GBP6: variants seen among roughly 807,000 people sequenced by gnomAD.
GBP6 encodes guanylate binding protein family member 6, also known as guanylate-binding protein 6.
Under a neutral mutation model 61.5 loss-of-function variants are expected in GBP6, and 54 were observed. The observed-to-expected ratio is 0.88, with a 90% confidence interval of 0.71 to 1.10. GBP6 has a LOEUF of 1.10. GBP6 is among the 50% of genes least tolerant of loss of function. The pLI, the probability that GBP6 is intolerant of heterozygous loss-of-function variation, is 0.00. For missense variants in GBP6, 748 were observed against 752.8 expected (o/e 0.99, Z 0.07); for synonymous variants, 255 against 273.7 (o/e 0.93, Z 0.67).
rs187917829 is a variant in GBP6, at chr1:89,379,125, T to G, written c.625+512T>G. ...GCTGTACAAGCATGGCACCAGCATC[T>G]GCTTCTAGTCAGGACCCCAGGAAGC... is the stretch of plus-strand genomic sequence containing the variant. On this transcript the variant is annotated intron_variant, in intron 5 of 10. Transcript: ENST00000370456. Among the ~76,000 whole-genome samples the G allele has an allele frequency of 6.4e-4, 97 of 152,352 alleles. 1 individual carries two copies. The highest frequency in any genetic ancestry group is 2.3e-3 in the African/African-American group (95 of 41,588).
At chr1:89,382,941 C>A in intron 8 of GBP6, 65 bp downstream of exon 8, 1 of 1,043,576 alleles carries the variant, frequency 9.6e-7, no homozygotes, top group Non-Finnish European at 1.5e-6. Context: ...CAGCACCAGC[C>A]GTGGGTAATA....
At position 89,381,813 on chromosome 1, in the gene GBP6, G is replaced by T. The variant is rs4658359; in HGVS notation, c.991G>T (p.Ala331Ser). The T allele has an allele frequency of 0.76, 1,219,868 of 1,613,794 alleles. 462,701 individuals are homozygous for T. Among genetic ancestry groups the T allele is most frequent in the African/African-American group, 0.88 (66,322 of 74,956 alleles). Residue 331 changes from alanine to serine, a missense_variant, in exon 7 of 11, where the codon GCT becomes TCT. Physicochemically the swap from Ala to Ser is moderately conservative, Grantham distance 99. Transcript: ENST00000370456. ...RENSAAVQRA[A>S]DYYSQQMAQR... is the part of the protein sequence containing the mutation. ...GAACTCAGCGGCCGTGCAGAGGGCA[G>T]CTGACTACTACAGCCAGCAGATGGC...
chr1:89,378,296 G>T, intron 4 of GBP6, 84 bp downstream of exon 4: 3 of 1,529,534 alleles, frequency 2.0e-6, no homozygotes, highest in Non-Finnish European at 1.8e-6. Context: ...CCTTCCCTTT[G>T]ATGTAATTAC....
intron 7 of GBP6, 51 bp downstream of exon 7, chr1:89,382,025 A>G: frequency 6.6e-7 from 1 of 1,523,932 alleles, no homozygotes; most frequent in South Asian, 1.3e-5. Context: ...TGAAGAATGA[A>G]GCCTATAGTT....
chr1:89,380,301 G>T (rs1652929961), intron 5 of GBP6, 85 bp from the exon 6 acceptor site: 2 of 1,237,636 alleles, frequency 1.6e-6, no homozygotes, highest in Non-Finnish European at 1.2e-6. Flanking sequence ...ATGGCAAAAA[G>T]ACAATACACC....
chr1:89,374,685 T>C (rs946201673), intron 3 of GBP6, among the ~76,000 whole-genome samples: 1 of 152,246 alleles, frequency 6.6e-6, no homozygotes, highest in Non-Finnish European at 1.5e-5. Context: ...AGCTATTTTG[T>C]ACACCTTTAT....
In GBP6 at chr1:89,387,623, G is replaced by T. The variant is rs1271556270; in HGVS notation, c.*2154G>T. ...GTTTGAATTTTCGACACCAGATTAA[G>T]GTCTCTGAGGTGGTTTAAAGGCTAT... On this transcript the variant is annotated 3_prime_UTR_variant, in exon 11 of 11. Coordinates refer to ENST00000370456, the MANE Select transcript of GBP6 (RefSeq NM_198460.3). Among the ~76,000 whole-genome samples the T allele has an allele frequency of 2.0e-5, 3 of 152,120 alleles. No individual in the cohort carries two copies. The highest frequency in any genetic ancestry group is 4.4e-5 in the Non-Finnish European group (3 of 68,008).
intron 6 of GBP6, among the ~76,000 whole-genome samples, chr1:89,381,229 G>A (rs1236103283): frequency 7.7e-6 from 1 of 129,176 alleles, no homozygotes; most frequent in Non-Finnish European, 1.6e-5. Context: ...AGGTTGTAGT[G>A]AGCCGAGATC....
intron 3 of GBP6, among the ~76,000 whole-genome samples, chr1:89,375,676 T>C (rs1652786696): frequency 1.3e-5 from 2 of 152,198 alleles, no homozygotes; most frequent in Non-Finnish European, 2.9e-5. Flanking sequence ...ATATATGGTT[T>C]GCAAATATTT....
At chr1:89,372,009 A>G (rs935104738) in intron 3 of GBP6, among the ~76,000 whole-genome samples, 2 of 151,796 alleles carry the variant, frequency 1.3e-5, no homozygotes, top group African/African-American at 4.9e-5. Flanking sequence ...AAGCATTCTT[A>G]CACACCAATA....
chr1:89,374,719 G>C (rs1181720099), intron 3 of GBP6, among the ~76,000 whole-genome samples: 1 of 151,906 alleles, frequency 6.6e-6, no homozygotes. Flanking sequence ...CCATTTGTAC[G>C]TCTTCTTTTG....
chr1:89,383,935 C>T (rs919746709), intron 9 of GBP6, among the ~76,000 whole-genome samples, 158 bp from the exon 10 acceptor site: 13 of 152,224 alleles, frequency 8.5e-5, no homozygotes, highest in Admixed American at 3.3e-4. Context: ...CAGAGCCTTT[C>T]CCATCACATT....
chr1:89,372,836 C>T (rs1397193734), intron 3 of GBP6, among the ~76,000 whole-genome samples: 8 of 152,230 alleles, frequency 5.3e-5, no homozygotes, highest in Non-Finnish European at 8.8e-5. Context: ...AACTAAAGAG[C>T]TTCTGCACAG....
At chr1:89,382,481 A>G (rs1443339946) in intron 7 of GBP6, among the ~76,000 whole-genome samples, 183 bp from the exon 8 acceptor site, 2 of 152,210 alleles carry the variant, frequency 1.3e-5, no homozygotes, top group African/African-American at 4.8e-5. Context: ...ACTTTTCCAT[A>G]GCCTTGAAGA....
Position 89,378,739 on chromosome 1 carries a change from G to A in GBP6, c.625+126G>A, listed in dbSNP as rs574469896. 3.4e-5 allele frequency: 24 copies of A among 704,900 alleles called. No individual in the cohort carries two copies. In the East Asian group the frequency reaches 4.2e-4, roughly 12 times the overall value. 43.7% of individuals were successfully genotyped at this position (704,900 alleles called of 1,614,324 possible). ...TGAGGTCTGTAGAAACGGGGACTGA[G>A]GGGTATGTTGAAGAGCTCTAGGAAT... On this transcript the variant is annotated intron_variant, in intron 5 of 10. Coordinates refer to ENST00000370456, the MANE Select transcript of GBP6 (RefSeq NM_198460.3).
At chr1:89,369,458 T>C (rs1652559955) in intron 2 of GBP6, 88 bp from the exon 3 acceptor site, 2 of 1,467,448 alleles carry the variant, frequency 1.4e-6, no homozygotes, top group African/African-American at 1.4e-5. Flanking sequence ...GTTGGGGTAG[T>C]TACAATCCAA....
rs1218079600 is a variant in GBP6 at position 89,372,238 on chromosome 1, C to G, written c.318+2565C>G. On this transcript the variant is annotated intron_variant, in intron 3 of 10. Coordinates refer to ENST00000370456, the MANE Select transcript of GBP6 (RefSeq NM_198460.3). Reference sequence around the variant, plus strand: ...CAATATTGTGGAAATGGCCATACGGCCCAAGGTAATTTATAGATTCAATGC... The same window carrying G: ...CAATATTGTGGAAATGGCCATACGGGCCAAGGTAATTTATAGATTCAATGC... Among the ~76,000 whole-genome samples, 3 of 152,154 alleles carry G rather than the reference C, an allele frequency of 2.0e-5. No individual in the cohort carries two copies. The East Asian group carries it at 5.8e-4, about 29-fold the overall frequency.
At chr1:89,375,626 A>G (rs1007736668) in intron 3 of GBP6, among the ~76,000 whole-genome samples, 1 of 151,968 alleles carries the variant, frequency 6.6e-6, no homozygotes, top group African/African-American at 2.4e-5. Context: ...ATTGAGTTAT[A>G]TAAGTTCCTC....
At chr1:89,383,303 A>G (rs1480350957) in intron 8 of GBP6, among the ~76,000 whole-genome samples, 1 of 152,194 alleles carries the variant, frequency 6.6e-6, no homozygotes, top group African/African-American at 2.4e-5. Flanking sequence ...AGCAAGTGGC[A>G]GGAGAAAGCA....
Sources: gnomAD v4.1 joint callset for allele counts (sites outside exome capture counted in the v4.1 genomes callset) on GRCh38, gnomAD v4.1.1 for gene constraint, MANE v1.5 for transcripts, NCBI Gene and HGNC (gene_info 2026-07-23, HGNC 2026-07-21) for gene names.